Variants in EMB observed in about 807,000 individuals in gnomAD.
EMB encodes the protein embigin, also known as embigin homolog.
A neutral mutation model predicts 41.4 loss-of-function variants in EMB; 31 were observed. That is an observed-to-expected ratio of 0.75 (90% CI 0.56 to 1.01). The LOEUF is 1.01. Ranked by LOEUF, EMB falls within the 50% of genes least tolerant of loss-of-function variation. The pLI is 0.00. For missense variants in EMB, 379 were observed against 388.3 expected, an observed-to-expected ratio of 0.98 and a Z score of 0.20; for synonymous variants, 137 against 140.4, an observed-to-expected ratio of 0.98 and a Z score of 0.17.
At chr5:50,430,001 T>A (rs796298420) in intron 1 of EMB, among the ~76,000 whole-genome samples, 12,136 of 124,768 alleles carry the variant, frequency 0.097, 1,336 homozygotes, top group African/African-American at 0.29. Flanking sequence ...TCTCTCTCTC[T>A]CTCTCACACA....
chr5:50,441,292 G>A (rs1745908247), upstream of EMB: 2 of 448,856 alleles, frequency 4.5e-6, no homozygotes, highest in Non-Finnish European at 7.4e-6. Flanking sequence ...AGAAAAGGCG[G>A]AATGGGAGGG....
intron 1 of EMB, among the ~76,000 whole-genome samples, chr5:50,440,675 C>T (rs969620724): frequency 3.3e-5 from 5 of 151,988 alleles, no homozygotes; most frequent in Admixed American, 2.6e-4. Flanking sequence ...AAAATTCATG[C>T]CATATTTGCC....
chr5:50,415,976 C>G (rs1745423865), intron 2 of EMB, among the ~76,000 whole-genome samples: 1 of 152,146 alleles, frequency 6.6e-6, no homozygotes, highest in South Asian at 2.1e-4. Context: ...AAGTGCAACA[C>G]AGTTTTTCTT....
chr5:50,441,354 T>TC (rs992338506), upstream of EMB: 1 of 373,954 alleles, frequency 2.7e-6, no homozygotes, highest in African/African-American at 2.1e-5. Flanking sequence ...CGCCCGGCCC[T>TC]CCATCAGTTA....
Position 50,428,204 on chromosome 5 carries a change from G to C in EMB, c.136C>G (p.Leu46Val). The change falls in exon 2 of 9, where the codon CTC (leucine) becomes GTC (valine). Residue 46 changes from leucine (L) to valine (V), a missense_variant. Physicochemically the swap from Leu to Val is conservative, Grantham distance 32. Coordinates refer to ENST00000303221, the MANE Select transcript of EMB (RefSeq NM_198449.3). ...TTATTTGCCATTATTTCTTCTCTGA[G>C]AGGTGGACTTGTAAAAGGCGAATCT... ...APDSPFTSPP[L>V]REEIMANNFS... 1 of 1,611,920 alleles carries C rather than the reference G, an allele frequency of 6.2e-7. No individual in the cohort carries two copies. Among genetic ancestry groups the C allele is most frequent in the Non-Finnish European group, 8.5e-7 (1 of 1,178,230 alleles).
chr5:50,404,736 C>T (rs184321228), intron 5 of EMB, among the ~76,000 whole-genome samples: 6 of 151,834 alleles, frequency 4.0e-5, no homozygotes, highest in African/African-American at 9.6e-5. Flanking sequence ...ACAATGACTG[C>T]CTTTCCTCAT....
intron 2 of EMB, among the ~76,000 whole-genome samples, chr5:50,414,724 T>C (rs1428615911): frequency 6.6e-6 from 1 of 152,054 alleles, no homozygotes; most frequent in Admixed American, 6.6e-5. Context: ...AATTTAATGC[T>C]CAAAAAGAAA....
chr5:50,423,314 G>C (rs1445119941), intron 2 of EMB, among the ~76,000 whole-genome samples: 1 of 152,106 alleles, frequency 6.6e-6, no homozygotes, highest in Admixed American at 6.6e-5. Flanking sequence ...CATTGTAAAA[G>C]AGGAGAAGAG....
At chr5:50,429,652 A>G (rs1246815397) in intron 1 of EMB, among the ~76,000 whole-genome samples, 1 of 152,210 alleles carries the variant, frequency 6.6e-6, no homozygotes, top group African/African-American at 2.4e-5. Context: ...AAACCTGCAC[A>G]TTCTGCACAT....
At chr5:50,425,171 C>A (rs1332672911) in intron 2 of EMB, among the ~76,000 whole-genome samples, 1 of 152,170 alleles carries the variant, frequency 6.6e-6, no homozygotes, top group Admixed American at 6.5e-5. Context: ...TGGTCCTAAC[C>A]TAGACCTCTT....
At chr5:50,430,447 A>G (rs1481735660) in intron 1 of EMB, among the ~76,000 whole-genome samples, 3 of 152,186 alleles carry the variant, frequency 2.0e-5, no homozygotes, top group Non-Finnish European at 4.4e-5. Flanking sequence ...TAAAGAAAAA[A>G]TGCTTTCTGT....
At chr5:50,432,855 G>A (rs1184587170) in intron 1 of EMB, among the ~76,000 whole-genome samples, 1 of 151,508 alleles carries the variant, frequency 6.6e-6, no homozygotes, top group African/African-American at 2.4e-5. Flanking sequence ...GAGGCAGGCA[G>A]ATCATGAGGT....
intron 7 of EMB, 82 bp downstream of exon 7, chr5:50,402,204 C>G: frequency 1.4e-6 from 2 of 1,456,020 alleles, no homozygotes; most frequent in Non-Finnish European, 1.9e-6. Flanking sequence ...TTTTCTCCCC[C>G]TAACTGCAAA....
intron 2 of EMB, among the ~76,000 whole-genome samples, chr5:50,423,182 G>C (rs1222654143): frequency 6.7e-6 from 1 of 149,944 alleles, no homozygotes; most frequent in South Asian, 2.1e-4. Context: ...TCAATTTTCA[G>C]AATACATATG....
intron 1 of EMB, among the ~76,000 whole-genome samples, chr5:50,435,670 TC>T (rs1745792303): frequency 6.6e-6 from 1 of 152,162 alleles, no homozygotes; most frequent in African/African-American, 2.4e-5. Flanking sequence ...CTGCCAAGCT[TC>T]TCCACTATAA....
At chr5:50,422,734 A>T (rs1274572953) in intron 2 of EMB, among the ~76,000 whole-genome samples, 1 of 152,224 alleles carries the variant, frequency 6.6e-6, no homozygotes, top group Non-Finnish European at 1.5e-5. Context: ...TAAAGTGGGA[A>T]AAAATATTCG....
chr5:50,410,937 C>T lies in EMB; in HGVS notation c.412G>A (p.Gly138Arg). Residue 138 changes from glycine to arginine, a missense_variant, in exon 4 of 9, where the codon GGA becomes AGA. Transcript: ENST00000303221. ...TCTCGAAAGAAACAAGAATAACTTC[C>T]CATTTGTTTGCTATTAATGATGGTG... The part of the protein sequence containing the change: ...RFTIINSKQM[G>R]SYSCFFREEK... 1 of 1,604,694 alleles carries T rather than the reference C, an allele frequency of 6.2e-7. No homozygotes were observed.
intron 4 of EMB, among the ~76,000 whole-genome samples, chr5:50,408,346 T>G (rs1035147228): frequency 6.6e-6 from 1 of 152,036 alleles, no homozygotes; most frequent in Non-Finnish European, 1.5e-5. Context: ...TTTCTCTTTC[T>G]CGGGTGGCAA....
At chr5:50,432,750 T>TAAAAAAAAAAAAAAAAAAAAAAAAAGA (rs35639181) in intron 1 of EMB, among the ~76,000 whole-genome samples, 1 of 98,962 alleles carries the variant, frequency 1.0e-5, no homozygotes, top group Non-Finnish European at 1.9e-5. Flanking sequence ...GAAAAACAAG[T>TAAAAAAAAAAAAAAAAAAAAAAAAAGA]AAAAAAAAAA....
Sources: gnomAD v4.1 joint callset for allele counts (sites outside exome capture counted in the v4.1 genomes callset) on GRCh38, gnomAD v4.1.1 for gene constraint, MANE v1.5 for transcripts, NCBI Gene and HGNC (gene_info 2026-07-23, HGNC 2026-07-21) for gene names.